The following NOD1 variants were observed in gnomAD, a reference collection of about 807,000 sequenced individuals.
NOD1 encodes nucleotide binding oligomerization domain containing 1, also known as nucleotide-binding oligomerization domain-containing protein 1.
NOD1 carries 70 observed loss-of-function variants against 81.2 expected under a neutral mutation model. The ratio of observed to expected loss-of-function variants is 0.86; its 90% CI spans 0.71 to 1.05. The LOEUF is 1.05. Ranked by LOEUF, NOD1 falls within the 50% of genes least tolerant of loss-of-function variation. The pLI, the probability that NOD1 is intolerant of heterozygous loss-of-function variation, is 0.00. For synonymous variants in NOD1, 508 were observed against 526.9 expected (o/e 0.96, Z 0.49); for missense variants, 1,233 against 1,228.0 (o/e 1.00, Z -0.06).
chr7:30,436,083 T>A lies in NOD1; in HGVS notation c.2538-2A>T. Reference sequence around the variant, plus strand: ...GTGGAGATGCCGTTGGACGCAAGACTAGGAAGGAACACACTTGGGGTGAAT... The same window carrying A: ...GTGGAGATGCCGTTGGACGCAAGACAAGGAAGGAACACACTTGGGGTGAAT... On this transcript the variant is annotated splice_acceptor_variant, in intron 10 of 13. Transcript: ENST00000222823. LOFTEE classifies it high-confidence loss of function. The A allele has an allele frequency of 2.5e-6, 4 of 1,612,402 alleles. No homozygotes were observed. The Admixed American group carries it at 6.7e-5, about 27-fold the overall frequency.
At chr7:30,446,888 C>T in intron 8 of NOD1, 79 bp downstream of exon 8, 1 of 1,172,700 alleles carries the variant, frequency 8.5e-7, no homozygotes, top group East Asian at 2.3e-5. Flanking sequence ...AAGCTCTTTA[C>T]TGTGACATTT....
In NOD1 at chr7:30,452,050, C is replaced by A. The variant is rs1785787103; in HGVS notation, c.1367G>T (p.Gly456Val). The change falls in exon 6 of 14, where the codon GGC becomes GTC. Residue 456 changes from glycine to valine, a missense_variant. Transcript: ENST00000222823. ...TRSPVETLHA[G>V]RDTLCSLGQV... ...CCCCAGCGAGCACAGAGTGTCCCGG[C>A]CGGCGTGGAGGGTCTCCACTGGGCT... The A allele has an allele frequency of 6.2e-7, 1 of 1,613,440 alleles. No individual in the cohort carries two copies. The highest frequency in any genetic ancestry group is 1.7e-5 in the Admixed American group (1 of 60,012).
rs142373482 is a variant in NOD1, at chr7:30,431,060, C to A, written c.2706-1603G>T. Among the ~76,000 whole-genome samples the A allele has an allele frequency of 5.4e-3, 817 of 152,260 alleles. 11 individuals are homozygous for A. The Middle Eastern group carries it at 0.061, about 11-fold the overall frequency. ...TGGCAGGAGGCCAGGAAGGAGAGCA[C>A]CTAATGCCCCTAAAAAGCCTGCAGT... On this transcript the variant is annotated intron_variant, in intron 12 of 13. Transcript: ENST00000222823.
intron 5 of NOD1, among the ~76,000 whole-genome samples, chr7:30,454,697 A>G (rs1014825815): frequency 2.0e-5 from 3 of 151,860 alleles, no homozygotes; most frequent in Non-Finnish European, 4.4e-5. Context: ...TAGGGGCACA[A>G]TCATAGCTCG....
At position 30,465,116 on chromosome 7, in the gene NOD1, G is replaced by A. The variant is rs116391059; in HGVS notation, c.-351-5075C>T. ...GAGCAGAGAGAGACAGGGGGGTGCC[G>A]TGGCTCTCAAGGGCTTCCTTGGGCT... On this transcript the variant is annotated intron_variant, in intron 1 of 13. Coordinates refer to ENST00000222823, the MANE Select transcript of NOD1 (RefSeq NM_006092.4). 1.1e-3 allele frequency among the ~76,000 whole-genome samples: 174 copies of A among 152,298 alleles called. 1 individual carries two copies. Among genetic ancestry groups the A allele is most frequent in the African/African-American group, 4.0e-3 (167 of 41,566 alleles).
chr7:30,454,055 C>T (rs553752071), intron 5 of NOD1, among the ~76,000 whole-genome samples: 1 of 152,040 alleles, frequency 6.6e-6, no homozygotes, highest in Non-Finnish European at 1.5e-5. Flanking sequence ...CAAGGGGAGA[C>T]AGGAAGGAGC....
chr7:30,453,967 A>C (rs1293018317), intron 5 of NOD1, among the ~76,000 whole-genome samples: 1 of 152,390 alleles, frequency 6.6e-6, no homozygotes, highest in East Asian at 1.9e-4. Flanking sequence ...TAGCTGGCTA[A>C]CGGAACCAAC....
At chr7:30,439,746 A>G (rs1456137775) in intron 9 of NOD1, among the ~76,000 whole-genome samples, 1 of 73,486 alleles carries the variant, frequency 1.4e-5, no homozygotes, top group Non-Finnish European at 2.5e-5. Flanking sequence ...AACTGGGTGG[A>G]GCCCACCACA....
At chr7:30,427,889 C>T (rs893604119) in intron 13 of NOD1, among the ~76,000 whole-genome samples, 2 of 152,204 alleles carry the variant, frequency 1.3e-5, no homozygotes, top group African/African-American at 4.8e-5. Flanking sequence ...TCCTCTCCCC[C>T]TCTGCCTGCT....
At chr7:30,425,753 A>G in intron 13 of NOD1, 43 bp from the exon 14 acceptor site, 1 of 1,393,288 alleles carries the variant, frequency 7.2e-7, no homozygotes, top group South Asian at 1.2e-5. Context: ...GTAAAATGTT[A>G]AGGATCCTCG....
chr7:30,475,641 G>C (rs1034847081), intron 1 of NOD1, among the ~76,000 whole-genome samples: 2 of 152,236 alleles, frequency 1.3e-5, no homozygotes, highest in Non-Finnish European at 2.9e-5. Flanking sequence ...AATGGCTCCA[G>C]AGACAGGGAG....
chr7:30,453,160 C>T, intron 5 of NOD1, 120 bp from the exon 6 acceptor site: 1 of 1,097,828 alleles, frequency 9.1e-7, no homozygotes, highest in Non-Finnish European at 1.3e-6. Flanking sequence ...AACCTGGGCC[C>T]TGAGGCCAGC....
intron 13 of NOD1, among the ~76,000 whole-genome samples, chr7:30,426,837 C>T (rs554712698): frequency 3.2e-4 from 48 of 152,270 alleles, no homozygotes; most frequent in Non-Finnish European, 5.1e-4. Context: ...GTTCCCTACG[C>T]AGAATACTCA....
intron 1 of NOD1, among the ~76,000 whole-genome samples, chr7:30,462,171 A>C (rs769904019): frequency 1.3e-5 from 2 of 152,220 alleles, no homozygotes; most frequent in African/African-American, 2.4e-5. Flanking sequence ...GTTTATACTC[A>C]ATGTAAAATT....
intron 7 of NOD1, 84 bp downstream of exon 7, chr7:30,448,214 T>C: frequency 8.6e-7 from 1 of 1,158,606 alleles, no homozygotes; most frequent in Non-Finnish European, 1.3e-6. Context: ...GTGCCGATCA[T>C]CCAGGGACCT....
At chr7:30,476,601 CTG>C (rs1400080000) in intron 1 of NOD1, among the ~76,000 whole-genome samples, 1 of 152,232 alleles carries the variant, frequency 6.6e-6, no homozygotes. Context: ...TTCTGAGACA[CTG>C]TGCACAGCCC....
Position 30,445,278 on chromosome 7 carries a change from T to TAA in NOD1, c.2453+861_2453+862dup, listed in dbSNP as rs55875433. 3.7e-3 allele frequency among the ~76,000 whole-genome samples: 253 copies of TAA among 69,180 alleles called. 1 individual carries two copies. Among genetic ancestry groups the TAA allele is most frequent in the Middle Eastern group, 0.016 (1 of 62 alleles). 45.4% of individuals were successfully genotyped at this position (69,180 alleles called of 152,430 possible). On this transcript the variant is annotated intron_variant, in intron 9 of 13. Transcript: ENST00000222823. ...GAGTATAATAAAAAAAAAAAGAATC[T>TAA]AAAAAAAAAAAAAAAAAAAAAAAAG...
At chr7:30,457,341 T>C (rs535135114) in intron 3 of NOD1, among the ~76,000 whole-genome samples, 9 of 151,936 alleles carry the variant, frequency 5.9e-5, no homozygotes, top group Non-Finnish European at 1.3e-4. Context: ...GTCCCAGCTA[T>C]TGGGGAGGCT....
chr7:30,468,780 A>T, intron 1 of NOD1: 1 of 974,788 alleles, frequency 1.0e-6, no homozygotes. Flanking sequence ...TCCTTTAGGA[A>T]ATGACTTCTC....
Sources: allele counts gnomAD v4.1 joint callset (sites outside exome capture counted in the v4.1 genomes callset), GRCh38; gene constraint gnomAD v4.1.1; transcripts MANE v1.5; gene names NCBI Gene and HGNC (gene_info 2026-07-23, HGNC 2026-07-21).